The following CBLL1 variants were observed in gnomAD, a reference collection of about 807,000 sequenced individuals.
The protein encoded by CBLL1 is Cbl proto-oncogene like 1.
In CBLL1, 4 loss-of-function variants were observed where a neutral mutation model predicts 44.9. The ratio of observed to expected loss-of-function variants is 0.09; its 90% CI spans 0.04 to 0.20. The LOEUF is 0.20. CBLL1 is among the 10% of genes least tolerant of loss of function. The probability of loss-of-function intolerance (pLI) is 1.00; values close to 1 mark genes in which losing one functional copy is unlikely to be tolerated. For synonymous variants in CBLL1, 235 were observed against 202.2 expected (o/e 1.16, Z -1.38); for missense variants, 569 against 636.7 (o/e 0.89, Z 1.14).
intron 4 of CBLL1, 34 bp downstream of exon 4, chr7:107,754,012 G>C: frequency 1.5e-6 from 2 of 1,366,764 alleles, no homozygotes; most frequent in Non-Finnish European, 2.0e-6. Flanking sequence ...TTGTAAGTAA[G>C]CATTTGCATA....
Position 107,759,269 on chromosome 7 carries a change from C to T in CBLL1, c.*91C>T. 8.8e-7 allele frequency: 1 copy of T among 1,142,578 alleles called. No individual in the cohort carries two copies. Among genetic ancestry groups the T allele is most frequent in the Non-Finnish European group, 1.2e-6 (1 of 807,456 alleles). 70.8% of individuals were successfully genotyped at this position (1,142,578 alleles called of 1,614,324 possible). A position where few individuals can be genotyped will look rare whatever the true frequency, so the allele number is the denominator to read the frequency against. ...TTGACTGTTTTGGGAAGGAAGAGTA[C>T]CTCTTATCGAGGTAGTATAAAACAC... On this transcript the variant is annotated 3_prime_UTR_variant, in exon 6 of 6. Coordinates refer to ENST00000440859, the MANE Select transcript of CBLL1 (RefSeq NM_024814.4).
intron 5 of CBLL1, among the ~76,000 whole-genome samples, chr7:107,756,455 T>A (rs974732131): frequency 2.0e-5 from 3 of 152,182 alleles, no homozygotes; most frequent in African/African-American, 7.2e-5. Context: ...TCTATGAATT[T>A]AAAAAATATT....
At chr7:107,748,178 C>A (rs1330247295) in intron 1 of CBLL1, among the ~76,000 whole-genome samples, 1 of 152,024 alleles carries the variant, frequency 6.6e-6, no homozygotes, top group Non-Finnish European at 1.5e-5. Context: ...TTGTTTAGAC[C>A]TAGTTGTAGT....
chr7:107,755,167 G>A (rs1389210826), intron 4 of CBLL1, among the ~76,000 whole-genome samples: 3 of 151,848 alleles, frequency 2.0e-5, no homozygotes, highest in Non-Finnish European at 2.9e-5. Context: ...AAATTTATAG[G>A]GTTTACACCT....
In CBLL1 at chr7:107,749,039, G is replaced by A. The variant is rs147566750; in HGVS notation, c.173G>A (p.Gly58Asp). ...AGGATGCCTGCAAAGGCTCCACCTG[G>A]TGATGAAGGTAATTTGTTTAACTAA... ...INRMPAKAPPGDEEGFDYNEE... is the reference protein window; with the variant it reads ...INRMPAKAPPDDEEGFDYNEE... The change falls in exon 2 of 6, where the codon GGT (glycine) becomes GAT (aspartate). Residue 58 changes from glycine to aspartate, a missense_variant. By Grantham distance (94) the Gly-to-Asp change is moderately conservative. Transcript: ENST00000440859. 8.1e-6 allele frequency: 13 copies of A among 1,613,646 alleles called. No homozygotes were observed. In the African/African-American group the frequency reaches 1.2e-4, roughly 15 times the overall value.
At chr7:107,747,500 A>G (rs1793074799) in intron 1 of CBLL1, among the ~76,000 whole-genome samples, 1 of 152,258 alleles carries the variant, frequency 6.6e-6, no homozygotes. Flanking sequence ...ATTGCTTGTA[A>G]GTACTTTTAC....
intron 2 of CBLL1, among the ~76,000 whole-genome samples, chr7:107,750,241 C>T (rs1254742634): frequency 6.6e-6 from 1 of 151,722 alleles, no homozygotes; most frequent in African/African-American, 2.4e-5. Context: ...AGCCACTGTG[C>T]CTGGCCTATA....
chr7:107,753,560 T>C, intron 3 of CBLL1, 49 bp downstream of exon 3: 1 of 1,042,538 alleles, frequency 9.6e-7, no homozygotes, highest in South Asian at 1.7e-5. Flanking sequence ...ATATTTTAAG[T>C]ATTAAATACT....
intron 2 of CBLL1, among the ~76,000 whole-genome samples, chr7:107,750,812 A>T (rs566843340): frequency 6.6e-6 from 1 of 152,120 alleles, no homozygotes; most frequent in African/African-American, 2.4e-5. Context: ...TCATTTAAGT[A>T]TTATCTATGG....
Position 107,758,324 on chromosome 7 carries a change from C to A in CBLL1, c.622C>A (p.Pro208Thr). ...TGCTTCACTTGAAAATGTTCATCCT[C>A]CTATTGCCCCACCACCAACTGAAAT... ...TRASLENVHP[P>T]IAPPPTEIPE... Residue 208 changes from proline (P) to threonine (T), a missense_variant, in exon 6 of 6, where the codon CCT becomes ACT. By Grantham distance (38) the Pro-to-Thr change is conservative (BLOSUM62 -1). Coordinates refer to ENST00000440859, the MANE Select transcript of CBLL1 (RefSeq NM_024814.4). The surrounding 1 kb of genome is among the most constrained non-coding windows in gnomAD (Gnocchi z 4.2). 6.2e-7 allele frequency: 1 copy of A among 1,614,110 alleles called. No homozygotes were observed. Among genetic ancestry groups the A allele is most frequent in the South Asian group, 1.1e-5 (1 of 91,066 alleles).
At chr7:107,745,966 A>G (rs771482115) in intron 1 of CBLL1, among the ~76,000 whole-genome samples, 1 of 152,208 alleles carries the variant, frequency 6.6e-6, no homozygotes, top group Admixed American at 6.5e-5. Context: ...GAAAATACGT[A>G]TTTGGAAGTT....
In CBLL1 at chr7:107,755,428, A is replaced by G; in HGVS notation, c.377A>G (p.Lys126Arg). Residue 126 changes from lysine (K) to arginine (R), a missense_variant, in exon 5 of 6, where the codon AAG becomes AGG. This residue lies in a region of CBLL1 where 209 missense variants were observed against 202.8 expected (regional missense o/e 1.03). Coordinates refer to ENST00000440859, the MANE Select transcript of CBLL1 (RefSeq NM_024814.4). ...IKIYGRMIPCKHVFCYDCAIL... is the reference protein window; with the variant it reads ...IKIYGRMIPCRHVFCYDCAIL... ...TGTCTTTGTTTACAGATTCCATGCA[A>G]GCATGTTTTTTGCTATGACTGTGCT... The G allele has an allele frequency of 6.3e-7, 1 of 1,579,114 alleles. No homozygotes were observed. The highest frequency in any genetic ancestry group is 2.3e-5 in the East Asian group (1 of 42,914).
intron 2 of CBLL1, chr7:107,749,248 G>T (rs1793160144): frequency 2.4e-6 from 1 of 414,738 alleles, no homozygotes; most frequent in South Asian, 5.5e-5. Context: ...TTTTGTTGTT[G>T]AAAGCAATAC....
At position 107,748,966 on chromosome 7, in the gene CBLL1, CAAGCAAACA is replaced by C. The variant is rs2115610368; in HGVS notation, c.105_113del (p.Asn36_Ala38del). The C allele has an allele frequency of 1.2e-6, 2 of 1,614,156 alleles. No individual in the cohort carries two copies. The highest frequency in any genetic ancestry group is 4.5e-5 in the East Asian group (2 of 44,876). On this transcript the variant is annotated inframe_deletion, in exon 2 of 6. Coordinates refer to ENST00000440859, the MANE Select transcript of CBLL1 (RefSeq NM_024814.4). The stretch of plus-strand genomic sequence containing the variant: ...AATTCCTATAAAGCTCATCTCCAAA[CAAGCAAACA>C]AAGCGAAACCTGCACCGCGAACTCA...
At chr7:107,753,390 G>A in intron 2 of CBLL1, 21 bp from the exon 3 acceptor site, 2 of 1,479,678 alleles carry the variant, frequency 1.4e-6, no homozygotes, top group South Asian at 1.3e-5. Context: ...AAGTTAATGG[G>A]CAATACTTTT....
intron 2 of CBLL1, chr7:107,752,652 GT>G: frequency 8.9e-7 from 1 of 1,123,214 alleles, no homozygotes; most frequent in Non-Finnish European, 1.2e-6. Context: ...CCATCAGACT[GT>G]TGATTGGTTT....
chr7:107,757,410 T>G (rs1227630984), intron 5 of CBLL1, among the ~76,000 whole-genome samples: 1 of 152,164 alleles, frequency 6.6e-6, no homozygotes, highest in Non-Finnish European at 1.5e-5. Flanking sequence ...GATTCCTATT[T>G]CAGTCCTCTT....
chr7:107,750,472 A>G (rs1190405042), intron 2 of CBLL1, among the ~76,000 whole-genome samples: 3 of 151,674 alleles, frequency 2.0e-5, no homozygotes, highest in Non-Finnish European at 4.4e-5. Flanking sequence ...CGCCCAGCTA[A>G]TTTTTGTATT....
chr7:107,753,648 A>G (rs911235198), intron 3 of CBLL1, 137 bp downstream of exon 3: 5 of 576,258 alleles, frequency 8.7e-6, no homozygotes, highest in Non-Finnish European at 1.2e-5. Context: ...GCACATACAA[A>G]TCATTTGTTA....
Sources: gnomAD v4.1 joint callset for allele counts (sites outside exome capture counted in the v4.1 genomes callset) on GRCh38, gnomAD v4.1.1 for gene constraint, gnomAD v4.1.1 regional missense constraint, Gnocchi (gnomAD v3.1) non-coding constraint, MANE v1.5 for transcripts, NCBI Gene and HGNC (gene_info 2026-07-23, HGNC 2026-07-21) for gene names.